SUPT3H: variants seen among roughly 807,000 people sequenced by gnomAD.
SUPT3H encodes the protein SPT3 homolog, SAGA and STAGA complex component, also known as transcription initiation protein SPT3 homolog.
In SUPT3H, 44 loss-of-function variants were observed where a neutral mutation model predicts 44.3. That is an observed-to-expected ratio of 0.99 (90% CI 0.78 to 1.28). The LOEUF is 1.28. SUPT3H is among the 50% of genes most tolerant of loss of function. The pLI, the probability that SUPT3H is intolerant of heterozygous loss-of-function variation, is 0.00. For synonymous variants in SUPT3H, 124 were observed against 125.6 expected (o/e 0.99, Z 0.09); for missense variants, 380 against 387.1 (o/e 0.98, Z 0.15).
chr6:44,869,538 A>G (rs1776024785), intron 10 of SUPT3H, among the ~76,000 whole-genome samples: 1 of 152,174 alleles, frequency 6.6e-6, no homozygotes, highest in Non-Finnish European at 1.5e-5. Flanking sequence ...GACAACTTCA[A>G]TGTGTGTATC....
intron 10 of SUPT3H, among the ~76,000 whole-genome samples, chr6:44,924,502 T>C (rs980928256): frequency 2.6e-5 from 4 of 152,016 alleles, no homozygotes; most frequent in African/African-American, 7.2e-5. Context: ...AGTTTTAGAA[T>C]AAAACCACTG....
At position 45,088,876 on chromosome 6, in the gene SUPT3H, AC is replaced by A. The variant is rs1254915594; in HGVS notation, c.186+17045del. The stretch of plus-strand genomic sequence containing the variant: ...CTCTGTGATATGGAATTTAATTTAT[AC>A]CCATACTGAACTATTGTTTACAGGT... On this transcript the variant is annotated intron_variant, in intron 3 of 10. Transcript: ENST00000371459. Among the ~76,000 whole-genome samples, 3 of 152,206 alleles carry A rather than the reference AC, an allele frequency of 2.0e-5. No individual in the cohort carries two copies. In the South Asian group the frequency reaches 6.2e-4, roughly 32 times the overall value.
intron 10 of SUPT3H, among the ~76,000 whole-genome samples, chr6:44,904,789 C>T (rs1374130482): frequency 1.3e-5 from 2 of 152,088 alleles, no homozygotes; most frequent in Non-Finnish European, 2.9e-5. Context: ...GCTACAGTAA[C>T]CAAAACAGCA....
At chr6:45,086,853 A>T (rs1796532533) in intron 3 of SUPT3H, among the ~76,000 whole-genome samples, 1 of 151,936 alleles carries the variant, frequency 6.6e-6, no homozygotes, top group South Asian at 2.1e-4. Flanking sequence ...TTAATATTTA[A>T]GATATCAGTA....
In SUPT3H at chr6:45,121,520, G is replaced by C. The variant is rs181669549; in HGVS notation, c.102-15514C>G. Among the ~76,000 whole-genome samples the C allele has an allele frequency of 2.9e-3, 356 of 123,646 alleles. 7 individuals are homozygous for C. Among genetic ancestry groups the C allele is most frequent in the Non-Finnish European group, 3.5e-4 (22 of 62,300 alleles). The allele number at this position is 123,646 out of a possible 152,430, so 81.1% of individuals were successfully genotyped here. A position where few individuals can be genotyped will look rare whatever the true frequency, so the allele number is the denominator to read the frequency against. On this transcript the variant is annotated intron_variant, in intron 2 of 10. Coordinates refer to ENST00000371459, the MANE Select transcript of SUPT3H (RefSeq NM_003599.4). ...TTTCAAAACCCTATGAAATTATGTG[G>C]GGGGGGGGGTGGATTATCTAAGTAT...
intron 3 of SUPT3H, among the ~76,000 whole-genome samples, chr6:45,088,130 C>T (rs1352543660): frequency 3.9e-5 from 6 of 152,018 alleles, no homozygotes. Context: ...GGTTTCTTCT[C>T]AGGGACATAA....
intron 2 of SUPT3H, among the ~76,000 whole-genome samples, chr6:45,228,125 G>A (rs1767266169): frequency 6.6e-6 from 1 of 152,104 alleles, no homozygotes; most frequent in Admixed American, 6.5e-5. Flanking sequence ...AGTAAGTGAA[G>A]CCAAAAATGT....
intron 2 of SUPT3H, among the ~76,000 whole-genome samples, chr6:45,189,258 G>GT: frequency 6.6e-6 from 1 of 152,172 alleles, no homozygotes; most frequent in Middle Eastern, 3.2e-3. Context: ...GATAATTAGT[G>GT]TATCACTTAG....
chr6:44,945,642 T>A (rs115519372), intron 9 of SUPT3H, among the ~76,000 whole-genome samples: 126 of 152,320 alleles, frequency 8.3e-4, no homozygotes, highest in African/African-American at 2.8e-3. Context: ...GTGCTAACTC[T>A]CTTTAATTCT....
At chr6:44,824,397 T>C (rs1767587678), downstream of SUPT3H, among the ~76,000 whole-genome samples, 1 of 152,128 alleles carries the variant, frequency 6.6e-6, no homozygotes, top group South Asian at 2.1e-4. Context: ...AGGTGGCTTG[T>C]GCCTGTAGTC....
intron 2 of SUPT3H, among the ~76,000 whole-genome samples, chr6:45,232,295 C>A (rs762978655): frequency 6.6e-5 from 10 of 152,188 alleles, no homozygotes; most frequent in Non-Finnish European, 1.3e-4. Flanking sequence ...AGTGTCATCA[C>A]TATATGATTT....
chr6:45,276,565 T>C (rs1267274662), intron 2 of SUPT3H, among the ~76,000 whole-genome samples: 2 of 152,220 alleles, frequency 1.3e-5, no homozygotes, highest in Non-Finnish European at 2.9e-5. Flanking sequence ...CAGCGTATAT[T>C]TCCCACTCAT....
At chr6:45,101,555 G>A (rs551817742) in intron 3 of SUPT3H, among the ~76,000 whole-genome samples, 2 of 152,254 alleles carry the variant, frequency 1.3e-5, no homozygotes, top group South Asian at 4.1e-4. Context: ...AGCTAGATAG[G>A]AGAAATAATT....
intron 2 of SUPT3H, among the ~76,000 whole-genome samples, chr6:45,356,219 G>GT (rs1394055476): frequency 5.3e-5 from 8 of 151,456 alleles, no homozygotes; most frequent in African/African-American, 1.9e-4. Context: ...CACAGCTAAG[G>GT]TTTTTTTTAA....
At chr6:45,140,295 G>A (rs1020247087) in intron 2 of SUPT3H, among the ~76,000 whole-genome samples, 1 of 152,026 alleles carries the variant, frequency 6.6e-6, no homozygotes, top group Admixed American at 6.6e-5. Context: ...CACACCAGTA[G>A]CCAAACACAA....
chr6:45,102,318 TA>T (rs1344716203), intron 3 of SUPT3H, among the ~76,000 whole-genome samples: 1 of 152,022 alleles, frequency 6.6e-6, no homozygotes, highest in Admixed American at 6.6e-5. Context: ...CGTACAAGTT[TA>T]AGAGAGACAC....
chr6:45,334,664 TTGTCTTAACATTTTTATACA>T (rs1039011168), intron 2 of SUPT3H, among the ~76,000 whole-genome samples: 3 of 151,176 alleles, frequency 2.0e-5, no homozygotes, highest in Admixed American at 6.6e-5. Context: ...CTGGCTATGT[TTGTCTTAACATTTTTATACA>T]TGGCATATAC....
chr6:45,285,376 ATTGT>A (rs1240728281), intron 2 of SUPT3H, among the ~76,000 whole-genome samples: 1 of 152,214 alleles, frequency 6.6e-6, no homozygotes, highest in African/African-American at 2.4e-5. Flanking sequence ...CCTTAAGCTG[ATTGT>A]CAACTGCAGC....
intron 10 of SUPT3H, among the ~76,000 whole-genome samples, chr6:44,856,171 G>A (rs952286562): frequency 6.6e-6 from 1 of 152,136 alleles, no homozygotes; most frequent in Non-Finnish European, 1.5e-5. Context: ...TGCTTCCCTT[G>A]CCAAAGAAGC....
Sources: allele counts gnomAD v4.1 joint callset (sites outside exome capture counted in the v4.1 genomes callset), GRCh38; gene constraint gnomAD v4.1.1; transcripts MANE v1.5; gene names NCBI Gene and HGNC (gene_info 2026-07-23, HGNC 2026-07-21).